VPS13D: variants seen among roughly 807,000 people sequenced by gnomAD.
The protein encoded by VPS13D is vacuolar protein sorting 13 homolog D.
In VPS13D, 187 loss-of-function variants were observed where a neutral mutation model predicts 461.9. That is an observed-to-expected ratio of 0.40 (90% CI 0.36 to 0.46). VPS13D has a LOEUF of 0.46. Ranked by LOEUF, VPS13D falls within the 20% of genes least tolerant of loss-of-function variation. The pLI is 0.60. For synonymous variants in VPS13D, 1,951 were observed against 1,986.3 expected (o/e 0.98, Z 0.47); for missense variants, 4,711 against 5,364.9 (o/e 0.88, Z 3.81).
At chr1:12,471,185 C>T (rs921888506) in intron 67 of VPS13D, among the ~76,000 whole-genome samples, 2 of 152,104 alleles carry the variant, frequency 1.3e-5, no homozygotes, top group African/African-American at 4.8e-5. Flanking sequence ...CCTGTAGTCC[C>T]AGCTACTCAG....
chr1:12,276,729 G>T lies in VPS13D; in HGVS notation c.3141G>T (p.Pro1047=). The T allele has an allele frequency of 6.2e-7, 1 of 1,614,154 alleles. No individual in the cohort carries two copies. Among genetic ancestry groups the T allele is most frequent in the Non-Finnish European group, 8.5e-7 (1 of 1,180,032 alleles). Residue 1047 remains proline (P), a synonymous_variant, in exon 19 of 70, where the codon CCG becomes CCT. Coordinates refer to ENST00000620676, the MANE Select transcript of VPS13D (RefSeq NM_015378.4). The surrounding 1 kb of genome is among the most constrained non-coding windows in gnomAD (Gnocchi z 4.5). The part of the protein sequence containing the change: ...DSRAQSPVSG[P]NVAHLTDGAT... Reference sequence around the variant, plus strand: ...GGGCCCAGTCTCCTGTCTCTGGACCGAATGTGGCCCACTTAACTGATGGAG... The same window carrying T: ...GGGCCCAGTCTCCTGTCTCTGGACCTAATGTGGCCCACTTAACTGATGGAG...
intron 26 of VPS13D, among the ~76,000 whole-genome samples, chr1:12,305,664 C>T (rs1335410732): frequency 3.9e-5 from 6 of 152,194 alleles, no homozygotes; most frequent in Admixed American, 6.5e-5. Context: ...CTGCTAGAGA[C>T]GGAGGCAGAA....
intron 23 of VPS13D, among the ~76,000 whole-genome samples, chr1:12,292,598 C>T (rs1022693574): frequency 8.6e-5 from 13 of 151,968 alleles, no homozygotes; most frequent in African/African-American, 2.9e-4. Flanking sequence ...CACCATCACA[C>T]CCGGCTAATT....
At position 12,400,442 on chromosome 1, in the gene VPS13D, A is replaced by G. The variant is rs116150681; in HGVS notation, c.11784+112A>G. The stretch of plus-strand genomic sequence containing the variant: ...CGGGTGCTGATGGGAATAGCTCTGC[A>G]GGGTTAAACCACATGTGACATAATA... On this transcript the variant is annotated intron_variant, in intron 61 of 69. Transcript: ENST00000620676. 1,483 of 1,284,552 alleles carry G rather than the reference A, an allele frequency of 1.2e-3. 15 individuals carry two copies. The African/African-American group carries it at 0.019, about 17-fold the overall frequency. The allele number at this position is 1,284,552 out of a possible 1,614,324, so 79.6% of individuals were successfully genotyped here. A position where few individuals can be genotyped will look rare whatever the true frequency, so the allele number is the denominator to read the frequency against.
In VPS13D at chr1:12,293,691, T is replaced by C. The variant is rs1642194689; in HGVS notation, c.6020T>C (p.Ile2007Thr). 1 of 1,613,760 alleles carries C rather than the reference T, an allele frequency of 6.2e-7. No homozygotes were observed. Among genetic ancestry groups the C allele is most frequent in the South Asian group, 1.1e-5 (1 of 90,986 alleles). The part of the protein sequence containing the change: ...QDVLGRQRAA[I>T]EGQTVRDQAQ... ...GTCTTAGGGCGCCAGCGAGCTGCTA[T>C]TGAGGGGCAGACGGTAGGTAGCCTG... The change falls in exon 24 of 70, where the codon ATT (isoleucine) becomes ACT (threonine). Residue 2007 changes from isoleucine (I) to threonine (T), a missense_variant. By Grantham distance (89) the Ile-to-Thr change is moderately conservative (BLOSUM62 -1). This residue lies in a region of VPS13D where 4,411 missense variants were observed against 4,937.8 expected (regional missense o/e 0.89). Coordinates refer to ENST00000620676, the MANE Select transcript of VPS13D (RefSeq NM_015378.4).
rs181980883 is a variant in VPS13D, at chr1:12,441,487, G to A, written c.12334-14511G>A. ...ATGAACAAATGGTCACACAACAGTC[G>A]GATACCCACACTCAGAAAGCCACGT... On this transcript the variant is annotated intron_variant, in intron 65 of 69. Transcript: ENST00000620676. 9.5e-4 allele frequency among the ~76,000 whole-genome samples: 145 copies of A among 152,210 alleles called. 1 individual carries two copies. The highest frequency in any genetic ancestry group is 3.3e-3 in the African/African-American group (135 of 41,536).
chr1:12,329,696 A>G (rs954692560), intron 36 of VPS13D, 133 bp from the exon 37 acceptor site: 4 of 640,508 alleles, frequency 6.2e-6, no homozygotes, highest in South Asian at 1.9e-5. Flanking sequence ...AAAGTACATG[A>G]TGAACAAAGT....
intron 67 of VPS13D, among the ~76,000 whole-genome samples, chr1:12,478,358 C>T (rs920252629): frequency 1.3e-5 from 2 of 152,246 alleles, no homozygotes; most frequent in Non-Finnish European, 2.9e-5. Context: ...TATGAGCCTT[C>T]GTGATGATCT....
chr1:12,312,473 A>C (rs902279135), intron 29 of VPS13D, among the ~76,000 whole-genome samples: 3 of 152,190 alleles, frequency 2.0e-5, no homozygotes, highest in African/African-American at 7.2e-5. Context: ...TTTCAAAGTT[A>C]GGGGCTAGGC....
At chr1:12,414,211 G>A (rs1326779311) in intron 63 of VPS13D, among the ~76,000 whole-genome samples, 1 of 152,022 alleles carries the variant, frequency 6.6e-6, no homozygotes, top group Non-Finnish European at 1.5e-5. Flanking sequence ...GTGAGCCCAG[G>A]AGGTCAAGGC....
At chr1:12,255,021 C>T (rs917625990) in intron 7 of VPS13D, among the ~76,000 whole-genome samples, 1 of 151,944 alleles carries the variant, frequency 6.6e-6, no homozygotes, top group African/African-American at 2.4e-5. Flanking sequence ...TCTTGGCTCA[C>T]TGCAACCTCC....
chr1:12,490,386 C>T (rs539811678), intron 67 of VPS13D, among the ~76,000 whole-genome samples: 22 of 152,192 alleles, frequency 1.4e-4, no homozygotes, highest in Non-Finnish European at 2.6e-4. Flanking sequence ...TCTCTTGAAA[C>T]CTTGGGGAAG....
At position 12,379,515 on chromosome 1, in the gene VPS13D, T is replaced by C. The variant is rs1309940685; in HGVS notation, c.11109T>C (p.Pro3703=). Residue 3703 remains proline, a synonymous_variant, in exon 57 of 70, where the codon CCT becomes CCC. Transcript: ENST00000620676. ...ACGAGCCACTGATGCTGAGAAAGCC[T>C]GACCGCAGGCGAAGCACAACTCAGA... The part of the protein sequence containing the change: ...NRYEPLMLRK[P]DRRRSTTQTW... The C allele has an allele frequency of 2.5e-6, 4 of 1,613,272 alleles. No homozygotes were observed. The highest frequency in any genetic ancestry group is 3.4e-6 in the Non-Finnish European group (4 of 1,179,656).
chr1:12,330,020 T>C (rs559200412), intron 37 of VPS13D, 102 bp downstream of exon 37: 53 of 361,048 alleles, frequency 1.5e-4, no homozygotes, highest in South Asian at 1.1e-3. Flanking sequence ...AGGGCAGGGG[T>C]GGGGTGGGAC....
chr1:12,498,078 G>A (rs1034151143), intron 68 of VPS13D, among the ~76,000 whole-genome samples: 33 of 152,092 alleles, frequency 2.2e-4, no homozygotes, highest in African/African-American at 7.0e-4. Flanking sequence ...AGATTGCTTC[G>A]TTACTCTTTA....
At chr1:12,250,216 G>A (rs999377130) in intron 6 of VPS13D, among the ~76,000 whole-genome samples, 4 of 152,152 alleles carry the variant, frequency 2.6e-5, no homozygotes, top group African/African-American at 9.6e-5. Flanking sequence ...AAGTTTTTAT[G>A]CAGCTTAATC....
intron 65 of VPS13D, among the ~76,000 whole-genome samples, chr1:12,442,280 G>T (rs1416430481): frequency 6.6e-6 from 1 of 152,096 alleles, no homozygotes; most frequent in African/African-American, 2.4e-5. Context: ...TGTAAAAATT[G>T]ATTTATATTT....
At chr1:12,421,949 G>A (rs1644869852) in intron 65 of VPS13D, among the ~76,000 whole-genome samples, 1 of 152,150 alleles carries the variant, frequency 6.6e-6, no homozygotes, top group Non-Finnish European at 1.5e-5. Context: ...AGCCTCCAGA[G>A]TAGCAGAGAT....
At chr1:12,390,981 A>T (rs1644418238) in intron 60 of VPS13D, among the ~76,000 whole-genome samples, 1 of 152,188 alleles carries the variant, frequency 6.6e-6, no homozygotes, top group South Asian at 2.1e-4. Context: ...CTCACATGGG[A>T]TACAAGTATC....
Sources: gnomAD v4.1 joint callset for allele counts (sites outside exome capture counted in the v4.1 genomes callset) on GRCh38, gnomAD v4.1.1 for gene constraint, gnomAD v4.1.1 regional missense constraint, Gnocchi (gnomAD v3.1) non-coding constraint, MANE v1.5 for transcripts, NCBI Gene and HGNC (gene_info 2026-07-23, HGNC 2026-07-21) for gene names.